The following MTHFD1L variants were observed in gnomAD, a reference collection of about 807,000 sequenced individuals.
The protein encoded by MTHFD1L is monofunctional C1-tetrahydrofolate synthase, mitochondrial.
Under a neutral mutation model 119.5 loss-of-function variants are expected in MTHFD1L, and 81 were observed. The observed-to-expected ratio is 0.68, with a 90% confidence interval of 0.57 to 0.82. MTHFD1L has a LOEUF of 0.82. Ranked by LOEUF, MTHFD1L falls within the 40% of genes least tolerant of loss-of-function variation. MTHFD1L has a pLI of 0.00. For missense variants in MTHFD1L, 1,125 were observed against 1,253.4 expected, an observed-to-expected ratio of 0.90 and a Z score of 1.55; for synonymous variants, 430 against 475.2, an observed-to-expected ratio of 0.90 and a Z score of 1.24.
At chr6:151,050,643 T>G (rs1359223462) in intron 26 of MTHFD1L, among the ~76,000 whole-genome samples, 2 of 152,106 alleles carry the variant, frequency 1.3e-5, no homozygotes, top group Non-Finnish European at 2.9e-5. Flanking sequence ...CACTCGGCCC[T>G]GTGGGATCTG....
At chr6:151,078,091 AC>A (rs1378536950) in intron 26 of MTHFD1L, among the ~76,000 whole-genome samples, 1 of 150,598 alleles carries the variant, frequency 6.6e-6, no homozygotes, top group African/African-American at 2.4e-5. Flanking sequence ...AAAATAATAT[AC>A]CCAGCTAAAC....
At chr6:150,981,788 C>T (rs1480714370) in intron 20 of MTHFD1L, among the ~76,000 whole-genome samples, 1 of 152,078 alleles carries the variant, frequency 6.6e-6, no homozygotes, top group African/African-American at 2.4e-5. Context: ...ATATTGTTGG[C>T]AACATTTTAA....
At chr6:151,056,369 C>T (rs914277372) in intron 26 of MTHFD1L, among the ~76,000 whole-genome samples, 3 of 152,156 alleles carry the variant, frequency 2.0e-5, no homozygotes, top group Non-Finnish European at 1.5e-5. Flanking sequence ...CACACTCCAT[C>T]GGCATGGCAG....
intron 20 of MTHFD1L, among the ~76,000 whole-genome samples, chr6:151,001,628 T>C (rs748360070): frequency 6.6e-6 from 1 of 152,124 alleles, no homozygotes; most frequent in African/African-American, 2.4e-5. Context: ...AAGGCAAGTC[T>C]TGGGATCTGA....
chr6:150,888,080 G>A, intron 7 of MTHFD1L, 99 bp downstream of exon 7: 5 of 1,310,998 alleles, frequency 3.8e-6, no homozygotes, highest in East Asian at 2.7e-5. Context: ...AGAAATTAGA[G>A]GAAGAAAATT....
At chr6:150,928,794 T>G (rs922717567) in intron 11 of MTHFD1L, among the ~76,000 whole-genome samples, 12 of 152,028 alleles carry the variant, frequency 7.9e-5, no homozygotes, top group Admixed American at 5.2e-4. Context: ...TCCGCCCGCC[T>G]CCTCCTTCCA....
At chr6:150,868,545 G>A (rs993171119) in intron 1 of MTHFD1L, among the ~76,000 whole-genome samples, 1 of 151,762 alleles carries the variant, frequency 6.6e-6, no homozygotes, top group Admixed American at 6.6e-5. Context: ...CACCATGTTG[G>A]CCAGGCTGGT....
At position 150,887,577 on chromosome 6, in the gene MTHFD1L, T is replaced by G. The variant is rs796747426; in HGVS notation, c.644-268T>G. ...TTCAAGTGATTTTCCTGCCTCAGCC[T>G]TCTAAGTAGCTGGGATTATAGGCAT... On this transcript the variant is annotated intron_variant, in intron 6 of 27. Coordinates refer to ENST00000367321, the MANE Select transcript of MTHFD1L (RefSeq NM_015440.5). 4.6e-5 allele frequency among the ~76,000 whole-genome samples: 7 copies of G among 152,300 alleles called. 1 individual carries two copies. Among genetic ancestry groups the G allele is most frequent in the African/African-American group, 1.7e-4 (7 of 41,572 alleles).
chr6:150,943,271 T>C (rs974498947), intron 13 of MTHFD1L, among the ~76,000 whole-genome samples: 12 of 151,348 alleles, frequency 7.9e-5, no homozygotes, highest in African/African-American at 2.9e-4. Context: ...CGAAACTCCG[T>C]CTCAAAAAAA....
chr6:151,040,756 T>C (rs1479360303), intron 26 of MTHFD1L, among the ~76,000 whole-genome samples: 1 of 152,180 alleles, frequency 6.6e-6, no homozygotes, highest in African/African-American at 2.4e-5. Context: ...TTAAAATCTT[T>C]GGAGTCACTA....
At chr6:151,046,972 A>G (rs978114711) in intron 26 of MTHFD1L, among the ~76,000 whole-genome samples, 9 of 152,192 alleles carry the variant, frequency 5.9e-5, no homozygotes, top group African/African-American at 2.2e-4. Flanking sequence ...TGGAATTGTA[A>G]TTGTGGAGAA....
chr6:151,011,874 G>GC (rs1186527634), intron 21 of MTHFD1L, among the ~76,000 whole-genome samples: 1 of 151,534 alleles, frequency 6.6e-6, no homozygotes, highest in African/African-American at 2.4e-5. Flanking sequence ...GGTGGCGGGC[G>GC]CCTGTAATTC....
chr6:150,876,085 T>C lies in MTHFD1L; in HGVS notation c.228-5T>C, dbSNP rs966137580. The stretch of plus-strand genomic sequence containing the variant: ...ATCACAATGTTGTTTTCTTTCTCAA[T>C]GTAGAGAAGTCATTCAGAATTCAAA... On this transcript the variant is annotated splice_polypyrimidine_tract_variant and splice_region_variant and intron_variant, in intron 1 of 27. Transcript: ENST00000367321. The C allele has an allele frequency of 1.3e-6, 2 of 1,591,802 alleles. No individual in the cohort carries two copies. The highest frequency in any genetic ancestry group is 1.7e-5 in the Admixed American group (1 of 59,112).
intron 1 of MTHFD1L, among the ~76,000 whole-genome samples, chr6:150,875,586 TA>T (rs1780306455): frequency 6.6e-6 from 1 of 152,102 alleles, no homozygotes; most frequent in African/African-American, 2.4e-5. Context: ...ATTCCTTCTT[TA>T]AATTCCAGGA....
At chr6:151,002,510 C>T (rs556384819) in intron 20 of MTHFD1L, among the ~76,000 whole-genome samples, 11 of 152,258 alleles carry the variant, frequency 7.2e-5, no homozygotes, top group African/African-American at 2.4e-4. Context: ...GGACAGCTGC[C>T]GCCGCCCATG....
intron 24 of MTHFD1L, among the ~76,000 whole-genome samples, chr6:151,031,945 C>T (rs533393045): frequency 6.6e-6 from 1 of 152,278 alleles, no homozygotes; most frequent in South Asian, 2.1e-4. Context: ...TGATTTGTGT[C>T]ACCTCTGTTA....
chr6:150,875,711 A>G (rs1011297215), intron 1 of MTHFD1L, among the ~76,000 whole-genome samples: 1 of 151,928 alleles, frequency 6.6e-6, no homozygotes, highest in Non-Finnish European at 1.5e-5. Context: ...TTCCCCATGG[A>G]CCCATACTCA....
At chr6:150,970,611 G>A (rs1797882391) in intron 19 of MTHFD1L, among the ~76,000 whole-genome samples, 1 of 152,074 alleles carries the variant, frequency 6.6e-6, no homozygotes, top group Non-Finnish European at 1.5e-5. Context: ...TGTTTGAAAG[G>A]GCCATTATGG....
At chr6:151,049,729 C>G (rs78164040) in intron 26 of MTHFD1L, among the ~76,000 whole-genome samples, 3,578 of 151,804 alleles carry the variant, frequency 0.024, 60 homozygotes, top group Non-Finnish European at 0.036. Context: ...CCTAGGATGG[C>G]TCACAGAACT....
Sources: allele counts gnomAD v4.1 joint callset (sites outside exome capture counted in the v4.1 genomes callset), GRCh38; gene constraint gnomAD v4.1.1; transcripts MANE v1.5; gene names NCBI Gene and HGNC (gene_info 2026-07-23, HGNC 2026-07-21).